Variants in IQCM observed in about 807,000 individuals in gnomAD.
IQCM encodes the protein IQ domain-containing protein M.
IQCM carries 45 observed loss-of-function variants against 57.6 expected under a neutral mutation model. The ratio of observed to expected loss-of-function variants is 0.78; its 90% CI spans 0.62 to 1.00. The LOEUF is 1.00. Among genes scored for constraint, IQCM ranks in the 50% least tolerant of loss-of-function variants. IQCM has a pLI of 0.00. For missense variants in IQCM, 468 were observed against 511.6 expected (o/e 0.91, Z 0.82); for synonymous variants, 148 against 158.9 (o/e 0.93, Z 0.51).
At chr4:149,542,379 T>C (rs1747938453) in intron 12 of IQCM, among the ~76,000 whole-genome samples, 1 of 152,156 alleles carries the variant, frequency 6.6e-6, no homozygotes, top group African/African-American at 2.4e-5. Flanking sequence ...GCTCTTGCTA[T>C]CAAGAATGTT....
intron 3 of IQCM, among the ~76,000 whole-genome samples, chr4:149,739,332 ATTAACT>A (rs1432723296): frequency 2.0e-5 from 3 of 152,108 alleles, no homozygotes; most frequent in African/African-American, 7.2e-5. Flanking sequence ...TTGTCTGAAG[ATTAACT>A]TAAACACTGT....
At chr4:149,601,880 C>T (rs1181449059) in intron 8 of IQCM, among the ~76,000 whole-genome samples, 1 of 151,758 alleles carries the variant, frequency 6.6e-6, no homozygotes, top group African/African-American at 2.4e-5. Flanking sequence ...GAAACCCCGT[C>T]TCTACTAAAA....
chr4:149,562,061 A>G (rs551266116), intron 10 of IQCM, among the ~76,000 whole-genome samples: 1 of 152,344 alleles, frequency 6.6e-6, no homozygotes, highest in Admixed American at 6.5e-5. Flanking sequence ...GTCAGGGGGT[A>G]TCATGTGATG....
At chr4:149,392,183 T>C (rs1018630717) in intron 13 of IQCM, among the ~76,000 whole-genome samples, 3 of 151,854 alleles carry the variant, frequency 2.0e-5, no homozygotes, top group Non-Finnish European at 4.4e-5. Flanking sequence ...ATCTTATAGA[T>C]ATTCTTTTTG....
At chr4:149,359,878 T>A (rs1729349529) in intron 13 of IQCM, among the ~76,000 whole-genome samples, 1 of 152,266 alleles carries the variant, frequency 6.6e-6, no homozygotes, top group East Asian at 1.9e-4. Context: ...CAAAATAAAA[T>A]AAGCATTTAG....
chr4:149,442,049 T>C (rs751046335), intron 12 of IQCM, among the ~76,000 whole-genome samples: 8 of 152,134 alleles, frequency 5.3e-5, no homozygotes, highest in Non-Finnish European at 1.0e-4. Flanking sequence ...CTGTTCCTTA[T>C]AAATTACTCA....
chr4:149,410,415 C>T lies in IQCM; in HGVS notation c.1390+22981G>A, dbSNP rs1560812969. Among the ~76,000 whole-genome samples, 5 of 149,946 alleles carry T rather than the reference C, an allele frequency of 3.3e-5. No homozygotes were observed. In the South Asian group the frequency reaches 1.1e-3, roughly 32 times the overall value. On this transcript the variant is annotated intron_variant, in intron 13 of 13. Coordinates refer to ENST00000636793, the MANE Select transcript of IQCM (RefSeq NM_001363507.2). ...ATTGTTCCACAAATATATATATACACACACCTGTGTGTGTGTGTGTGTGTG... is the reference window on the plus strand; with the variant it reads ...ATTGTTCCACAAATATATATATACATACACCTGTGTGTGTGTGTGTGTGTG...
At chr4:149,757,703 A>T (rs1393907772) in intron 2 of IQCM, among the ~76,000 whole-genome samples, 1 of 151,884 alleles carries the variant, frequency 6.6e-6, no homozygotes, top group Non-Finnish European at 1.5e-5. Context: ...ATTAGAAAGG[A>T]TTTAGATCTA....
chr4:149,637,203 G>A (rs1579799493), intron 7 of IQCM, among the ~76,000 whole-genome samples: 1 of 146,400 alleles, frequency 6.8e-6, no homozygotes, highest in Admixed American at 6.8e-5. Flanking sequence ...CAATGTTACA[G>A]TATACAAAGT....
chr4:149,730,149 C>T (rs1437510458), intron 5 of IQCM, among the ~76,000 whole-genome samples: 1 of 152,144 alleles, frequency 6.6e-6, no homozygotes, highest in Non-Finnish European at 1.5e-5. Context: ...TGGCTTCATG[C>T]TGCCACTTAG....
intron 12 of IQCM, among the ~76,000 whole-genome samples, chr4:149,440,192 T>TC (rs1410135270): frequency 7.5e-6 from 1 of 133,558 alleles, no homozygotes; most frequent in Non-Finnish European, 1.6e-5. Context: ...GGTCTCAAAC[T>TC]CCCAACCTCA....
chr4:149,577,026 A>C (rs1249448880), intron 9 of IQCM, among the ~76,000 whole-genome samples: 1 of 151,900 alleles, frequency 6.6e-6, no homozygotes, highest in Admixed American at 6.6e-5. Context: ...TTGGCCACAT[A>C]TATGTCTCAT....
At chr4:149,735,688 T>C (rs1257940596) in intron 3 of IQCM, among the ~76,000 whole-genome samples, 1 of 152,172 alleles carries the variant, frequency 6.6e-6, no homozygotes, top group East Asian at 1.9e-4. Flanking sequence ...CCTTCAGTTC[T>C]GAAAGTCCTT....
At chr4:149,456,040 G>A (rs557982143) in intron 12 of IQCM, among the ~76,000 whole-genome samples, 1 of 151,958 alleles carries the variant, frequency 6.6e-6, no homozygotes, top group African/African-American at 2.4e-5. Flanking sequence ...TTAGGTTCAT[G>A]GCTGAGATCC....
rs1397468400 is a variant in IQCM, at chr4:149,527,905, T to C, written c.1228+20550A>G. On this transcript the variant is annotated intron_variant, in intron 12 of 13. Transcript: ENST00000636793. ...ACATCAGCAATCGACTCAAGAACAG[T>C]ATTTCTTCCTAGTCATCTTGTACAT... Among the ~76,000 whole-genome samples the C allele has an allele frequency of 3.3e-5, 5 of 152,058 alleles. No individual in the cohort carries two copies. In the East Asian group the frequency reaches 9.7e-4, roughly 29 times the overall value.
intron 13 of IQCM, among the ~76,000 whole-genome samples, chr4:149,391,543 A>G (rs1454198723): frequency 2.6e-5 from 4 of 151,830 alleles, no homozygotes; most frequent in Middle Eastern, 6.8e-3. Flanking sequence ...TGCTTTGAGT[A>G]TAGTTTGCTC....
At chr4:149,507,433 A>G (rs1322939536) in intron 12 of IQCM, among the ~76,000 whole-genome samples, 1 of 152,188 alleles carries the variant, frequency 6.6e-6, no homozygotes, top group Non-Finnish European at 1.5e-5. Flanking sequence ...CGATATGGAA[A>G]ATAAAGTCCA....
At chr4:149,659,675 C>T (rs1402886016) in intron 7 of IQCM, among the ~76,000 whole-genome samples, 7 of 152,052 alleles carry the variant, frequency 4.6e-5, no homozygotes, top group Non-Finnish European at 7.4e-5. Context: ...GAAATAACAC[C>T]GCATATCTAC....
intron 9 of IQCM, among the ~76,000 whole-genome samples, chr4:149,586,094 T>C (rs1461643770): frequency 6.6e-6 from 1 of 151,592 alleles, no homozygotes; most frequent in Non-Finnish European, 1.5e-5. Context: ...CTTAGTAACA[T>C]CTGTAAGGAA....
Sources: gnomAD v4.1 joint callset for allele counts (sites outside exome capture counted in the v4.1 genomes callset) on GRCh38, gnomAD v4.1.1 for gene constraint, MANE v1.5 for transcripts, NCBI Gene and HGNC (gene_info 2026-07-23, HGNC 2026-07-21) for gene names.